ACSF2: variants seen among roughly 807,000 people sequenced by gnomAD.
The protein encoded by ACSF2 is medium-chain acyl-CoA ligase ACSF2, mitochondrial.
A neutral mutation model predicts 79.3 loss-of-function variants in ACSF2; 52 were observed. The observed-to-expected ratio is 0.66, with a 90% CI of 0.53 to 0.83. The LOEUF is 0.83. Among genes scored for constraint, ACSF2 ranks in the 40% least tolerant of loss-of-function variants. The pLI is 0.00. For synonymous variants in ACSF2, 283 were observed against 312.6 expected (o/e 0.91, Z 1.00); for missense variants, 661 against 803.3 (o/e 0.82, Z 2.14).
chr17:50,464,769 T>TGGGGGGGGG (rs368836827), intron 10 of ACSF2: 6 of 170,490 alleles, frequency 3.5e-5, no homozygotes, highest in South Asian at 1.0e-4. Context: ...CTGATTGACT[T>TGGGGGGGGG]GGGGGGGGGG....
intron 10 of ACSF2, chr17:50,464,528 A>G (rs558652489): frequency 1.5e-6 from 1 of 661,584 alleles, no homozygotes; most frequent in East Asian, 3.0e-5. Context: ...ATTTATAGAA[A>G]TCTCAGGAAG....
rs757099095 is a variant in ACSF2 at position 50,461,263 on chromosome 17, C to T, written c.346C>T (p.Leu116Phe). The change falls in exon 3 of 16, where the codon CTC (leucine) becomes TTC (phenylalanine). Residue 116 changes from leucine (L) to phenylalanine (F), a missense_variant. By Grantham distance (22) the Leu-to-Phe change is conservative. Coordinates refer to ENST00000300441, the MANE Select transcript of ACSF2 (RefSeq NM_025149.6). Reference protein sequence around the residue: ...KEEVDKAASGLLSIGLCKGDR... With the variant: ...KEEVDKAASGFLSIGLCKGDR... ...CTAGGTGGACAAAGCTGCTTCTGGCCTCCTGAGCATTGGCCTCTGCAAAGG... is the reference window on the plus strand; with the variant it reads ...CTAGGTGGACAAAGCTGCTTCTGGCTTCCTGAGCATTGGCCTCTGCAAAGG... 1 of 1,614,230 alleles carries T rather than the reference C, an allele frequency of 6.2e-7. No individual in the cohort carries two copies. The highest frequency in any genetic ancestry group is 8.5e-7 in the Non-Finnish European group (1 of 1,180,016).
chr17:50,441,350 T>G (rs1012290400), intron 1 of ACSF2, among the ~76,000 whole-genome samples: 8 of 152,156 alleles, frequency 5.3e-5, no homozygotes, highest in Non-Finnish European at 1.2e-4. Flanking sequence ...TTTTTTGGTG[T>G]TTTTTGTAGG....
intron 1 of ACSF2, among the ~76,000 whole-genome samples, chr17:50,455,533 T>G (rs926817242): frequency 6.6e-6 from 1 of 152,058 alleles, no homozygotes; most frequent in Non-Finnish European, 1.5e-5. Context: ...TACAGATACC[T>G]CCCAGAAAAG....
intron 1 of ACSF2, among the ~76,000 whole-genome samples, chr17:50,457,747 T>C (rs2032098613): frequency 6.6e-6 from 1 of 152,184 alleles, no homozygotes; most frequent in Admixed American, 6.5e-5. Context: ...CTGGGAGCAG[T>C]GTCTTATCCA....
intron 10 of ACSF2, chr17:50,467,998 G>A: frequency 6.6e-7 from 1 of 1,521,858 alleles, no homozygotes; most frequent in Non-Finnish European, 8.8e-7. Context: ...CCTCCAGGAA[G>A]GGAAGAAGGA....
rs769405197 is a variant in ACSF2 at position 50,426,257 on chromosome 17, G to T, written c.-5G>T. On this transcript the variant is annotated 5_prime_UTR_variant, in exon 1 of 16. Coordinates refer to ENST00000300441, the MANE Select transcript of ACSF2 (RefSeq NM_025149.6). ...CTCGGGCCGGGACGCAGGGCAAAGC[G>T]AGCCATGGCTGTCTACGTCGGGATG... 15 of 1,357,250 alleles carry T rather than the reference G, an allele frequency of 1.1e-5. No individual in the cohort carries two copies. In the African/African-American group the frequency reaches 2.1e-4, roughly 19 times the overall value. 84.1% of individuals were successfully genotyped at this position (1,357,250 alleles called of 1,614,324 possible).
At chr17:50,430,625 A>C (rs967719802) in intron 1 of ACSF2, among the ~76,000 whole-genome samples, 41 of 152,246 alleles carry the variant, frequency 2.7e-4, no homozygotes, top group Admixed American at 2.6e-3. Context: ...AGATTGTGCC[A>C]CTGCACTCCA....
intron 6 of ACSF2, 196 bp downstream of exon 6, chr17:50,462,781 T>A: frequency 1.5e-6 from 1 of 655,162 alleles, no homozygotes; most frequent in Non-Finnish European, 2.5e-6. Flanking sequence ...CCCCCCGCCC[T>A]CTCCACTCCA....
chr17:50,473,593 T>A, intron 12 of ACSF2, 72 bp from the exon 13 acceptor site: 1 of 1,603,274 alleles, frequency 6.2e-7, no homozygotes, highest in Non-Finnish European at 8.5e-7. Context: ...GGTCAATAAA[T>A]GTTTCACGAC....
intron 1 of ACSF2, among the ~76,000 whole-genome samples, chr17:50,429,515 C>G (rs560571964): frequency 6.9e-6 from 1 of 145,734 alleles, no homozygotes; most frequent in Non-Finnish European, 1.5e-5. Flanking sequence ...GAGTCTTTCT[C>G]TTTTTCTTTT....
Position 50,473,980 on chromosome 17 carries a change from G to C in ACSF2, c.1704G>C (p.Glu568Asp). Reference protein sequence around the residue: ...LKDGEETTVEEIKAFCKGKIS... With the variant: ...LKDGEETTVEDIKAFCKGKIS... ...ACGGGGAGGAGACCACGGTGGAGGA[G>C]ATAAAAGCTTTCTGCAAAGGGAAGG... Residue 568 changes from glutamate (E) to aspartate (D), a missense_variant, in exon 14 of 16, where the codon GAG (glutamate) becomes GAC (aspartate). By Grantham distance (45) the Glu-to-Asp change is conservative (BLOSUM62 2). Coordinates refer to ENST00000300441, the MANE Select transcript of ACSF2 (RefSeq NM_025149.6). 7.9e-6 allele frequency: 12 copies of C among 1,519,142 alleles called. No homozygotes were observed. In the South Asian group the frequency reaches 1.6e-4, roughly 20 times the overall value. The allele number at this position is 1,519,142 out of a possible 1,614,324, so 94.1% of individuals were successfully genotyped here. A position where few individuals can be genotyped will look rare whatever the true frequency, so the allele number is the denominator to read the frequency against.
intron 10 of ACSF2, 78 bp downstream of exon 10, chr17:50,464,372 C>T: frequency 7.1e-7 from 1 of 1,416,216 alleles, no homozygotes; most frequent in Non-Finnish European, 1.0e-6. Flanking sequence ...GGGGATGAGT[C>T]CAGGCCAGAT....
At chr17:50,441,347 G>T (rs888657476) in intron 1 of ACSF2, among the ~76,000 whole-genome samples, 5 of 152,170 alleles carry the variant, frequency 3.3e-5, no homozygotes, top group African/African-American at 1.2e-4. Context: ...AATTTTTTTG[G>T]TGTTTTTTGT....
At chr17:50,459,953 G>C (rs1010811698) in intron 1 of ACSF2, among the ~76,000 whole-genome samples, 1 of 152,196 alleles carries the variant, frequency 6.6e-6, no homozygotes, top group Non-Finnish European at 1.5e-5. Context: ...CTTTCAGCCA[G>C]CTTCTTAATT....
rs756617568 is a variant in ACSF2 at position 50,460,660 on chromosome 17, A to T, written c.129-17A>T. 6.2e-7 allele frequency: 1 copy of T among 1,602,260 alleles called. No homozygotes were observed. The highest frequency in any genetic ancestry group is 1.1e-5 in the South Asian group (1 of 89,378). On this transcript the variant is annotated splice_polypyrimidine_tract_variant and intron_variant, in intron 1 of 15. Transcript: ENST00000300441. ...ACTGATCTGGGACAGTCAAACCCAT[A>T]GCTCCTCTCCCTACAGTTCCAGAGA...
Position 50,474,012 on chromosome 17 carries a change from C to G in ACSF2, c.1728+8C>G, listed in dbSNP as rs762952787. ...GCTTTCTGCAAAGGGAAGGTGGGAG[C>G]CTCCGCTCAACCTAGCTGATGCTGC... On this transcript the variant is annotated splice_region_variant and intron_variant, in intron 14 of 15. Coordinates refer to ENST00000300441, the MANE Select transcript of ACSF2 (RefSeq NM_025149.6). This position sits in a 1 kb window ranked among gnomAD's most constrained non-coding sequence, Gnocchi z 4.2. The G allele has an allele frequency of 2.6e-6, 4 of 1,517,228 alleles. No homozygotes were observed. In the South Asian group the frequency reaches 5.2e-5, roughly 20 times the overall value. The allele number at this position is 1,517,228 out of a possible 1,614,324, so 94.0% of individuals were successfully genotyped here. A position where few individuals can be genotyped will look rare whatever the true frequency, so the allele number is the denominator to read the frequency against.
intron 1 of ACSF2, among the ~76,000 whole-genome samples, chr17:50,427,500 C>T (rs1051245486): frequency 7.2e-5 from 11 of 152,072 alleles, no homozygotes; most frequent in African/African-American, 2.2e-4. Context: ...TCCCAGTGAC[C>T]CTGGGAAGTC....
chr17:50,452,615 TG>T (rs1432365071), intron 1 of ACSF2, among the ~76,000 whole-genome samples: 1 of 152,136 alleles, frequency 6.6e-6, no homozygotes. Flanking sequence ...CAAACCACCA[TG>T]GCAAACGTTT....
Sources: gnomAD v4.1 joint callset for allele counts (sites outside exome capture counted in the v4.1 genomes callset) on GRCh38, gnomAD v4.1.1 for gene constraint, Gnocchi (gnomAD v3.1) non-coding constraint, MANE v1.5 for transcripts, NCBI Gene and HGNC (gene_info 2026-07-23, HGNC 2026-07-21) for gene names.